The following CCNO variants were observed in gnomAD, a reference collection of about 807,000 sequenced individuals.
CCNO encodes cyclin O.
Under a neutral mutation model 23.9 loss-of-function variants are expected in CCNO, and 24 were observed. That is an observed-to-expected ratio of 1.00 (90% CI 0.73 to 1.41). CCNO has a LOEUF of 1.41. CCNO is among the 40% of genes most tolerant of loss of function. The pLI is 0.00. For missense variants in CCNO, 542 were observed against 476.2 expected, an observed-to-expected ratio of 1.14 and a Z score of -1.29; for synonymous variants, 241 against 225.7, an observed-to-expected ratio of 1.07 and a Z score of -0.61.
Position 55,233,434 on chromosome 5 carries a change from C to A in CCNO, c.90G>T (p.Lys30Asn). The A allele has an allele frequency of 1.2e-6, 2 of 1,606,468 alleles. No individual in the cohort carries two copies. Among genetic ancestry groups the A allele is most frequent in the Non-Finnish European group, 1.7e-6 (2 of 1,177,298 alleles). The change falls in exon 1 of 3, where the codon AAG becomes AAT. Residue 30 changes from lysine to asparagine, a missense_variant. Coordinates refer to ENST00000282572, the MANE Select transcript of CCNO (RefSeq NM_021147.5). ...DNDQNLRAPV[K>N]KSRRPRLRRK... ...TCCGGAGGCGCGGACGCCTGCTCTT[C>A]TTCACCGGGGCGCGAAGGTTCTGGT...
chr5:55,232,892 G>T, intron 1 of CCNO: 1 of 591,194 alleles, frequency 1.7e-6, no homozygotes, highest in Non-Finnish European at 3.0e-6. Flanking sequence ...ACCCGGAAAC[G>T]AATTCCTCTC....
intron 1 of CCNO, 152 bp downstream of exon 1, chr5:55,232,991 G>GACC: frequency 1.3e-6 from 1 of 764,064 alleles, no homozygotes; most frequent in East Asian, 2.8e-5. Flanking sequence ...TGAGGCCGGT[G>GACC]ACGCCCCTCC....
intron 1 of CCNO, 85 bp from the exon 2 acceptor site, chr5:55,232,631 G>A (rs1345034850): frequency 9.8e-6 from 13 of 1,331,110 alleles, no homozygotes; most frequent in Non-Finnish European, 1.3e-5. Context: ...AAGAAGAATC[G>A]GGGAGCTTCC....
chr5:55,232,639 T>G, intron 1 of CCNO, 93 bp from the exon 2 acceptor site: 1 of 1,231,878 alleles, frequency 8.1e-7, no homozygotes, highest in Non-Finnish European at 1.2e-6. Context: ...TCGGGGAGCT[T>G]CCCAGGAGAG....
In CCNO at chr5:55,231,621, A is replaced by G; in HGVS notation, c.807T>C (p.Ser269=). 6.2e-7 allele frequency: 1 copy of G among 1,609,630 alleles called. No homozygotes were observed. Among genetic ancestry groups the G allele is most frequent in the Middle Eastern group, 1.7e-4 (1 of 6,036 alleles). ...AGCTGGTGAAGGCATAGTCGGCCAG[A>G]CTCAGCTCTGCCACCCCCCGCGCCA... ...QALARGVAEL[S]LADYAFTSYS... is the part of the protein sequence containing the mutation. Residue 269 remains serine (S), a synonymous_variant, in exon 3 of 3, where the codon AGT becomes AGC. Transcript: ENST00000282572.
At position 55,233,222 on chromosome 5, in the gene CCNO, T is replaced by G; in HGVS notation, c.302A>C (p.Tyr101Ser). Residue 101 changes from tyrosine to serine, a missense_variant, in exon 1 of 3, where the codon TAC (tyrosine) becomes TCC (serine). Physicochemically the swap from Tyr to Ser is moderately radical, Grantham distance 144. Coordinates refer to ENST00000282572, the MANE Select transcript of CCNO (RefSeq NM_021147.5). ...GCGGAAGGCGTAGCAGCTCTGGCCG[T>G]AGTCGCGGAAGGTCTGTAGATCTAG... is the stretch of plus-strand genomic sequence containing the variant. ...AQLDLQTFRDYGQSCYAFRKA... is the reference protein window; with the variant it reads ...AQLDLQTFRDSGQSCYAFRKA... 8 of 1,575,488 alleles carry G rather than the reference T, an allele frequency of 5.1e-6. No individual in the cohort carries two copies. Among genetic ancestry groups the G allele is most frequent in the Non-Finnish European group, 6.9e-6 (8 of 1,162,852 alleles).
At position 55,231,865 on chromosome 5, in the gene CCNO, A is replaced by G. The variant is rs1745592687; in HGVS notation, c.568-5T>C. On this transcript the variant is annotated splice_region_variant and splice_polypyrimidine_tract_variant and intron_variant, in intron 2 of 2. Transcript: ENST00000282572. ...GCGCGGCGGGTGCACCTCCACCTGC[A>G]ACACAGGGCGCACTCAACCCCGCTT... 1 of 1,530,780 alleles carries G rather than the reference A, an allele frequency of 6.5e-7. No individual in the cohort carries two copies. The highest frequency in any genetic ancestry group is 1.2e-5 in the South Asian group (1 of 82,486). The allele number at this position is 1,530,780 out of a possible 1,614,324, so 94.8% of individuals were successfully genotyped here. A position where few individuals can be genotyped will look rare whatever the true frequency, so the allele number is the denominator to read the frequency against.
chr5:55,231,961 GC>G (rs1745596378), intron 2 of CCNO, 101 bp from the exon 3 acceptor site: 1 of 1,355,520 alleles, frequency 7.4e-7, no homozygotes, highest in South Asian at 1.5e-5. Flanking sequence ...CAGAGAGACA[GC>G]CGGGGCTCTG....
intron 2 of CCNO, 59 bp downstream of exon 2, chr5:55,232,300 TGG>T (rs1465119536): frequency 1.6e-5 from 22 of 1,399,412 alleles, no homozygotes; most frequent in African/African-American, 2.8e-5. Context: ...GGCCAGGGAG[TGG>T]CGGGGGAGTT....
chr5:55,233,439 C>T lies in CCNO; in HGVS notation c.85G>A (p.Val29Met), dbSNP rs750158925. Residue 29 changes from valine to methionine, a missense_variant, in exon 1 of 3, where the codon GTG (valine) becomes ATG (methionine). Physicochemically the swap from Val to Met is conservative, Grantham distance 21. Transcript: ENST00000282572. ...AGGCGCGGACGCCTGCTCTTCTTCA[C>T]CGGGGCGCGAAGGTTCTGGTCGTTG... is the stretch of plus-strand genomic sequence containing the variant. The part of the protein sequence containing the change: ...RDNDQNLRAP[V>M]KKSRRPRLRR... The T allele has an allele frequency of 6.2e-7, 1 of 1,605,516 alleles. No homozygotes were observed. Among genetic ancestry groups the T allele is most frequent in the Non-Finnish European group, 8.5e-7 (1 of 1,176,822 alleles).
rs780967882 is a variant in CCNO, at chr5:55,231,479, T to G, written c.949A>C (p.Met317Leu). Residue 317 changes from methionine to leucine, a missense_variant, in exon 3 of 3, where the codon ATG becomes CTG. Physicochemically the swap from Met to Leu is conservative, Grantham distance 15 (BLOSUM62 2). Transcript: ENST00000282572. The part of the protein sequence containing the change: ...DHPEAALEDC[M>L]GKLQLLVAIN... ...GCCACCAGCAGCTGCAACTTGCCCA[T>G]ACAGTCCTCCAGCGCCGCCTCCGGG... 3.3e-5 allele frequency: 53 copies of G among 1,613,930 alleles called. No homozygotes were observed. The highest frequency in any genetic ancestry group is 3.4e-6 in the Non-Finnish European group (4 of 1,180,032).
rs1217975992 is a variant in CCNO at position 55,231,893 on chromosome 5, C to A, written c.568-33G>T. 6.0e-6 allele frequency: 9 copies of A among 1,495,086 alleles called. No individual in the cohort carries two copies. The East Asian group carries it at 2.2e-4, about 37-fold the overall frequency. 92.6% of individuals were successfully genotyped at this position (1,495,086 alleles called of 1,614,324 possible). ...ACAGGGCGCACTCAACCCCGCTTTG[C>A]GGCTTCCCGGGCCCCAGGCCCACCC... On this transcript the variant is annotated intron_variant, in intron 2 of 2. Transcript: ENST00000282572.
In CCNO at chr5:55,233,429, C is replaced by T; in HGVS notation, c.95G>A (p.Ser32Asn). Residue 32 changes from serine to asparagine, a missense_variant, in exon 1 of 3, where the codon AGC becomes AAC. Coordinates refer to ENST00000282572, the MANE Select transcript of CCNO (RefSeq NM_021147.5). ...CTTCCTCCGGAGGCGCGGACGCCTG[C>T]TCTTCTTCACCGGGGCGCGAAGGTT... ...DQNLRAPVKK[S>N]RRPRLRRKQP... The T allele has an allele frequency of 6.2e-7, 1 of 1,606,954 alleles. No individual in the cohort carries two copies. The highest frequency in any genetic ancestry group is 8.5e-7 in the Non-Finnish European group (1 of 1,177,566).
intron 1 of CCNO, 29 bp downstream of exon 1, chr5:55,233,114 G>A: frequency 6.5e-7 from 1 of 1,528,734 alleles, no homozygotes; most frequent in Non-Finnish European, 8.7e-7. Context: ...AAGAGCGGCG[G>A]CGTGGAGCTG....
rs940635330 is a variant in CCNO at position 55,231,600 on chromosome 5, G to A, written c.828C>T (p.Thr276=). The A allele has an allele frequency of 1.9e-6, 3 of 1,612,996 alleles. No homozygotes were observed. The highest frequency in any genetic ancestry group is 1.7e-4 in the Middle Eastern group (1 of 6,060). Residue 276 remains threonine, a synonymous_variant, in exon 3 of 3, where the codon ACC becomes ACT. Transcript: ENST00000282572. The part of the protein sequence containing the change: ...AELSLADYAF[T]SYSPSLLAIC... ...TCGCCAGGAGGGAAGGGGAGTAGCT[G>A]GTGAAGGCATAGTCGGCCAGACTCA...
intron 2 of CCNO, among the ~76,000 whole-genome samples, 157 bp from the exon 3 acceptor site, chr5:55,232,017 C>A (rs1271473907): frequency 6.6e-6 from 1 of 151,848 alleles, no homozygotes; most frequent in South Asian, 2.1e-4. Flanking sequence ...GTACTTCCAG[C>A]GCAGTTGATC....
In CCNO at chr5:55,233,241, G is replaced by A. The variant is rs1189973856; in HGVS notation, c.283C>T (p.Leu95=). Residue 95 remains leucine (L), a synonymous_variant, in exon 1 of 3, where the codon CTA becomes TTA. Transcript: ENST00000282572. ...GPAQPVAQLD[L]QTFRDYGQSC... ...TGGCCGTAGTCGCGGAAGGTCTGTA[G>A]ATCTAGCTGCGCCACGGGCTGGGCC... 6.3e-7 allele frequency: 1 copy of A among 1,583,106 alleles called. No homozygotes were observed. Among genetic ancestry groups the A allele is most frequent in the East Asian group, 2.3e-5 (1 of 43,912 alleles).
chr5:55,233,434 C>T lies in CCNO; in HGVS notation c.90G>A (p.Lys30=), dbSNP rs1182423148. 2.5e-6 allele frequency: 4 copies of T among 1,606,468 alleles called. No individual in the cohort carries two copies. The highest frequency in any genetic ancestry group is 3.4e-6 in the Non-Finnish European group (4 of 1,177,298). ...TCCGGAGGCGCGGACGCCTGCTCTT[C>T]TTCACCGGGGCGCGAAGGTTCTGGT... ...DNDQNLRAPV[K]KSRRPRLRRK... is the part of the protein sequence containing the mutation. Residue 30 remains lysine (K), a synonymous_variant, in exon 1 of 3, where the codon AAG becomes AAA. Coordinates refer to ENST00000282572, the MANE Select transcript of CCNO (RefSeq NM_021147.5).
Position 55,233,281 on chromosome 5 carries a change from G to A in CCNO, c.243C>T (p.Ser81=). The change falls in exon 1 of 3, where the codon AGC becomes AGT. Residue 81 remains serine, a synonymous_variant. Transcript: ENST00000282572. ...AESPSAARGG[S]PLPGPAQPVA... ...CGGGCTGGGCCGGGCCGGGCAGGGG[G>A]CTACCACCCCGCGCCGCAGAGGGGC... is the stretch of plus-strand genomic sequence containing the variant. 6.3e-7 allele frequency: 1 copy of A among 1,591,182 alleles called. No homozygotes were observed. The highest frequency in any genetic ancestry group is 8.5e-7 in the Non-Finnish European group (1 of 1,170,934).
Sources: allele counts gnomAD v4.1 joint callset (sites outside exome capture counted in the v4.1 genomes callset), GRCh38; gene constraint gnomAD v4.1.1; transcripts MANE v1.5; gene names NCBI Gene and HGNC (gene_info 2026-07-23, HGNC 2026-07-21).